Variants in DNAJB4 observed in about 807,000 individuals in gnomAD.
The protein encoded by DNAJB4 is dnaJ homolog subfamily B member 4.
In DNAJB4, 10 loss-of-function variants were observed where a neutral mutation model predicts 26.6. The observed-to-expected ratio is 0.38, with a 90% CI of 0.23 to 0.64. The LOEUF is 0.64. Among genes scored for constraint, DNAJB4 ranks in the 30% least tolerant of loss-of-function variants. The pLI is 0.58. For missense variants in DNAJB4, 328 were observed against 408.2 expected, an observed-to-expected ratio of 0.80 and a Z score of 1.69; for synonymous variants, 136 against 134.8, an observed-to-expected ratio of 1.01 and a Z score of -0.06.
chr1:78,005,363 CTCTT>C, intron 1 of DNAJB4, 42 bp downstream of exon 1: 1 of 1,365,806 alleles, frequency 7.3e-7, no homozygotes, highest in African/African-American at 2.7e-5. Context: ...TCAGCTCTGT[CTCTT>C]TTTTTTTTTT....
At chr1:77,985,253 A>G (rs1190055669) in intron 1 of DNAJB4, among the ~76,000 whole-genome samples, 3 of 152,116 alleles carry the variant, frequency 2.0e-5, no homozygotes, top group African/African-American at 2.4e-5. Context: ...TGGTATAACA[A>G]TTTTGTTGTT....
intron 1 of DNAJB4, among the ~76,000 whole-genome samples, chr1:77,981,667 G>A (rs910419530): frequency 6.6e-6 from 1 of 152,170 alleles, no homozygotes; most frequent in Non-Finnish European, 1.5e-5. Context: ...TGAGACAAAG[G>A]TTCTTTGTGA....
chr1:78,005,376 T>TTC (rs1553135150), intron 1 of DNAJB4, 55 bp downstream of exon 1: 29,549 of 1,019,146 alleles, frequency 0.029, 2 homozygotes, highest in South Asian at 0.039. Context: ...TTTTTTTTTT[T>TTC]TCTCTCTCTC....
At chr1:78,006,369 T>C (rs907484285) in intron 1 of DNAJB4, among the ~76,000 whole-genome samples, 2 of 152,178 alleles carry the variant, frequency 1.3e-5, no homozygotes, top group African/African-American at 4.8e-5. Context: ...GACTAAGTTA[T>C]TTTATTATTA....
upstream of DNAJB4, chr1:77,979,272 C>T (rs2102569538): frequency 4.5e-6 from 2 of 442,938 alleles, no homozygotes; most frequent in Non-Finnish European, 8.2e-6. Flanking sequence ...CTTTTGGCAC[C>T]TCCTCTCCGC....
intron 1 of DNAJB4, among the ~76,000 whole-genome samples, chr1:78,008,685 T>G (rs1003710778): frequency 2.6e-5 from 4 of 152,194 alleles, no homozygotes; most frequent in African/African-American, 9.6e-5. Context: ...CTCTATCAAT[T>G]TACTATAATC....
upstream of DNAJB4, among the ~76,000 whole-genome samples, chr1:78,002,982 G>C (rs1393507888): frequency 1.3e-5 from 2 of 151,850 alleles, no homozygotes; most frequent in African/African-American, 4.8e-5. Context: ...GTCAAGTTTT[G>C]ATAATATTCC....
chr1:77,998,669 A>G (rs1196807023), intron 1 of DNAJB4, among the ~76,000 whole-genome samples: 1 of 151,952 alleles, frequency 6.6e-6, no homozygotes, highest in African/African-American at 2.4e-5. Context: ...GCGAAACCTC[A>G]TCTGTACTAA....
chr1:78,004,523 A>T (rs1660274169), upstream of DNAJB4: 1 of 144,098 alleles, frequency 6.9e-6, no homozygotes, highest in African/African-American at 2.5e-5. Context: ...TATATACTTA[A>T]CAGACAAATA....
chr1:78,002,880 G>A (rs745472673), upstream of DNAJB4, among the ~76,000 whole-genome samples: 1 of 151,964 alleles, frequency 6.6e-6, no homozygotes, highest in Non-Finnish European at 1.5e-5. Context: ...AGTGTCTAGG[G>A]AGCCAGATTT....
chr1:77,985,987 T>A lies in DNAJB4; in HGVS notation c.-32+5665T>A, dbSNP rs370934903. ...ATTTGTATCAGTCTAACCAATAATA[T>A]CCTGTAGCTAATTAAGCAATGGTTT... On this transcript the variant is annotated intron_variant, in intron 1 of 2. Coordinates refer to the DNAJB4 transcript ENST00000426517. Among the ~76,000 whole-genome samples, 269 of 152,262 alleles carry A rather than the reference T, an allele frequency of 1.8e-3. 4 individuals are homozygous for A. In the Middle Eastern group the frequency reaches 0.02, roughly 12 times the overall value.
At chr1:78,004,756 A>G (rs530634829), upstream of DNAJB4, 1 of 211,152 alleles carries the variant, frequency 4.7e-6, no homozygotes, top group South Asian at 9.1e-5. Context: ...CGGAAAATGA[A>G]TAGTTAATCG....
rs1660125032 is a variant in DNAJB4, at chr1:77,998,810, A to G, written c.-31-6270A>G. Reference sequence around the variant, plus strand: ...CTGAGATTGTGAGATCAGGAACACAATCAGCCTGGGCAACAGAGTGAGATC... The same window carrying G: ...CTGAGATTGTGAGATCAGGAACACAGTCAGCCTGGGCAACAGAGTGAGATC... On this transcript the variant is annotated intron_variant, in intron 1 of 2. Coordinates refer to the DNAJB4 transcript ENST00000426517. Among the ~76,000 whole-genome samples the G allele has an allele frequency of 2.0e-5, 3 of 151,858 alleles. No homozygotes were observed. The South Asian group carries it at 6.3e-4, about 32-fold the overall frequency.
intron 1 of DNAJB4, among the ~76,000 whole-genome samples, chr1:78,006,228 A>G (rs900020952): frequency 2.0e-5 from 3 of 152,174 alleles, no homozygotes; most frequent in Non-Finnish European, 4.4e-5. Context: ...CTCATTCTGC[A>G]TTTTAAATCA....
At chr1:77,993,894 G>A (rs1223009404) in intron 1 of DNAJB4, among the ~76,000 whole-genome samples, 2 of 152,134 alleles carry the variant, frequency 1.3e-5, no homozygotes, top group Non-Finnish European at 2.9e-5. Flanking sequence ...GAATTAGGTA[G>A]TCAATGGCTG....
upstream of DNAJB4, chr1:77,979,563 G>T (rs941609161): frequency 6.5e-6 from 1 of 154,730 alleles, no homozygotes; most frequent in African/African-American, 2.4e-5. Flanking sequence ...GACGCCGCGC[G>T]GTGATGCTCC....
At chr1:78,013,734 T>G in intron 2 of DNAJB4, 115 bp downstream of exon 2, 1 of 827,042 alleles carries the variant, frequency 1.2e-6, no homozygotes, top group Non-Finnish European at 1.8e-6. Flanking sequence ...TAAAAATAAT[T>G]ACTATAAAAA....
intron 1 of DNAJB4, among the ~76,000 whole-genome samples, chr1:77,982,597 A>C (rs961979564): frequency 3.9e-5 from 3 of 77,646 alleles, no homozygotes; most frequent in Non-Finnish European, 8.5e-5. Context: ...CAGAAGTTCA[A>C]GACCAGCCTG....
intron 1 of DNAJB4, among the ~76,000 whole-genome samples, chr1:77,989,623 C>T (rs1016349655): frequency 6.6e-6 from 1 of 152,198 alleles, no homozygotes; most frequent in African/African-American, 2.4e-5. Context: ...ATCATTCTCA[C>T]TCTTACAGAT....
Sources: allele counts gnomAD v4.1 joint callset (sites outside exome capture counted in the v4.1 genomes callset), GRCh38; gene constraint gnomAD v4.1.1; transcripts MANE v1.5; gene names NCBI Gene and HGNC (gene_info 2026-07-23, HGNC 2026-07-21).